Variants in CCDC18 observed in about 807,000 individuals in gnomAD.
The protein encoded by CCDC18 is coiled-coil domain-containing protein 18.
CCDC18 carries 157 observed loss-of-function variants against 196.0 expected under a neutral mutation model. The ratio of observed to expected loss-of-function variants is 0.80; its 90% confidence interval spans 0.70 to 0.91. The LOEUF (loss-of-function observed/expected upper bound fraction) is 0.91. CCDC18 is among the 40% of genes least tolerant of loss of function. The pLI, the probability that CCDC18 is intolerant of heterozygous loss-of-function variation, is 0.00. For missense variants in CCDC18, 1,465 were observed against 1,611.6 expected (o/e 0.91, Z 1.56); for synonymous variants, 482 against 529.2 (o/e 0.91, Z 1.22).
At chr1:93,181,173 A>AAAAAAAG (rs1432729523) in intron 1 of CCDC18, among the ~76,000 whole-genome samples, 1 of 150,368 alleles carries the variant, frequency 6.7e-6, no homozygotes, top group Non-Finnish European at 1.5e-5. Context: ...AAAAAAAAAA[A>AAAAAAAG]AAAGAGGAAA....
chr1:93,242,567 A>G (rs532024), intron 21 of CCDC18, among the ~76,000 whole-genome samples: 140,855 of 152,252 alleles, frequency 0.93, 65,277 homozygotes, highest in East Asian at 1. Context: ...AAAACAAATT[A>G]TGCCTTCCCA....
At chr1:93,182,581 CAAT>C (rs1458036469) in intron 1 of CCDC18, among the ~76,000 whole-genome samples, 2 of 152,070 alleles carry the variant, frequency 1.3e-5, no homozygotes, top group Non-Finnish European at 2.9e-5. Context: ...GTATTAATTA[CAAT>C]AATAAAATGT....
At chr1:93,249,959 A>T (rs569580484) in intron 23 of CCDC18, among the ~76,000 whole-genome samples, 132 of 152,144 alleles carry the variant, frequency 8.7e-4, no homozygotes, top group Middle Eastern at 3.4e-3. Flanking sequence ...AATTTTTTTT[A>T]AAATTTCTTC....
In CCDC18 at chr1:93,246,936, TAAAG is replaced by T. The variant is rs1661567231; in HGVS notation, c.3183_3186del (p.Lys1061AsnfsTer6). ...CTCTGGAGAAATCAGAATTGGAACT[TAAAG>T]AATGTAACAAACAGGTAAATTATTT... On this transcript the variant is annotated frameshift_variant, in exon 23 of 29. Coordinates refer to ENST00000690025, the MANE Select transcript of CCDC18 (RefSeq NM_001378204.1). LOFTEE classifies it high-confidence loss of function. 7.8e-7 allele frequency: 1 copy of T among 1,280,548 alleles called. No homozygotes were observed. The highest frequency in any genetic ancestry group is 1.3e-5 in the South Asian group (1 of 75,856). The allele number at this position is 1,280,548 out of a possible 1,614,324, so 79.3% of individuals were successfully genotyped here.
Position 93,246,122 on chromosome 1 carries a change from T to C in CCDC18, c.2999T>C (p.Ile1000Thr), listed in dbSNP as rs996388310. Residue 1000 changes from isoleucine (I) to threonine (T), a missense_variant, in exon 22 of 29, where the codon ATT (isoleucine) becomes ACT (threonine). Physicochemically the swap from Ile to Thr is moderately conservative, Grantham distance 89. Coordinates refer to ENST00000690025, the MANE Select transcript of CCDC18 (RefSeq NM_001378204.1). Reference protein sequence around the residue: ...TAELRECKMEIEDKKQELLEM... With the variant: ...TAELRECKMETEDKKQELLEM... ...AATTGTAGAGAATGCAAGATGGAGA[T>C]TGAAGACAAAAAGCAGGAGCTCCTT... 1.9e-6 allele frequency: 3 copies of C among 1,604,956 alleles called. No homozygotes were observed. The highest frequency in any genetic ancestry group is 2.6e-6 in the Non-Finnish European group (3 of 1,175,448).
Position 93,261,562 on chromosome 1 carries a change from A to G in CCDC18, c.3684+2677A>G, listed in dbSNP as rs189956385. Among the ~76,000 whole-genome samples, 140 of 152,212 alleles carry G rather than the reference A, an allele frequency of 9.2e-4. 1 individual carries two copies. Among genetic ancestry groups the G allele is most frequent in the Admixed American group, 8.5e-3 (130 of 15,292 alleles). ...AACCTTTGAAAGCACAGTGCTTTCAAAGAGATATGATTCTAAATGTATTTA... is the reference window on the plus strand; with the variant it reads ...AACCTTTGAAAGCACAGTGCTTTCAGAGAGATATGATTCTAAATGTATTTA... On this transcript the variant is annotated intron_variant, in intron 26 of 28. Coordinates refer to ENST00000690025, the MANE Select transcript of CCDC18 (RefSeq NM_001378204.1).
intron 12 of CCDC18, among the ~76,000 whole-genome samples, chr1:93,215,351 A>G (rs573761015): frequency 6.6e-6 from 1 of 152,196 alleles, no homozygotes; most frequent in South Asian, 2.1e-4. Context: ...CAAACCCCAA[A>G]CCACCTAGGA....
At chr1:93,209,615 C>T (rs981534172) in intron 9 of CCDC18, among the ~76,000 whole-genome samples, 1 of 152,192 alleles carries the variant, frequency 6.6e-6, no homozygotes, top group Non-Finnish European at 1.5e-5. Context: ...AGAATTTAAA[C>T]TAGAACATAA....
At chr1:93,232,351 G>C in intron 17 of CCDC18, 75 bp from the exon 18 acceptor site, 1 of 854,692 alleles carries the variant, frequency 1.2e-6, no homozygotes, top group Non-Finnish European at 1.8e-6. Context: ...TAATAAGGAG[G>C]ACAGCTTTGA....
chr1:93,254,467 T>A lies in CCDC18; in HGVS notation c.3199-4T>A, dbSNP rs754179830. 6.4e-7 allele frequency: 1 copy of A among 1,558,716 alleles called. No individual in the cohort carries two copies. Among genetic ancestry groups the A allele is most frequent in the Non-Finnish European group, 8.7e-7 (1 of 1,143,714 alleles). On this transcript the variant is annotated splice_region_variant and splice_polypyrimidine_tract_variant and intron_variant, in intron 23 of 28. Transcript: ENST00000690025. ...CTGATACTGCTTATCTGTTTAAAAT[T>A]CAGATAGAAAGTCTGAATGACAAAT...
chr1:93,205,977 A>T (rs1654644427), intron 8 of CCDC18, among the ~76,000 whole-genome samples: 1 of 152,160 alleles, frequency 6.6e-6, no homozygotes. Context: ...TTTTCAAATC[A>T]TAAAAAATTA....
chr1:93,274,444 A>G (rs1333263002), intron 28 of CCDC18, among the ~76,000 whole-genome samples: 1 of 152,112 alleles, frequency 6.6e-6, no homozygotes, highest in Non-Finnish European at 1.5e-5. Flanking sequence ...TTACTACATA[A>G]CAGATAGAAT....
intron 6 of CCDC18, 54 bp downstream of exon 6, chr1:93,193,798 T>A: frequency 7.6e-7 from 1 of 1,308,698 alleles, no homozygotes; most frequent in Non-Finnish European, 1.0e-6. Context: ...AAGGAAATAT[T>A]ACCTATTTAA....
At chr1:93,222,854 A>G (rs911985633) in intron 16 of CCDC18, among the ~76,000 whole-genome samples, 2 of 152,202 alleles carry the variant, frequency 1.3e-5, no homozygotes, top group South Asian at 2.1e-4. Flanking sequence ...CAAATATGCT[A>G]TGACGTTTAT....
chr1:93,219,343 TAAGTC>T (rs983757735), intron 14 of CCDC18, among the ~76,000 whole-genome samples: 16 of 152,178 alleles, frequency 1.1e-4, no homozygotes, highest in African/African-American at 3.9e-4. Flanking sequence ...CTTTCCTCAT[TAAGTC>T]AAGAACCTTC....
In CCDC18 at chr1:93,232,558, G is replaced by A. The variant is rs779319282; in HGVS notation, c.2425G>A (p.Glu809Lys). 77 of 1,610,600 alleles carry A rather than the reference G, an allele frequency of 4.8e-5. 1 individual carries two copies. The highest frequency in any genetic ancestry group is 2.0e-5 in the Non-Finnish European group (24 of 1,178,502). Residue 809 changes from glutamate to lysine, a missense_variant, in exon 18 of 29, where the codon GAG becomes AAG. Glu to Lys is a moderately conservative substitution (Grantham distance 56, BLOSUM62 1). Coordinates refer to ENST00000690025, the MANE Select transcript of CCDC18 (RefSeq NM_001378204.1). The part of the protein sequence containing the change: ...MLQQETIRNG[E>K]LEDTQTKLEK... ...ACAACAAGAGACAATTAGAAATGGA[G>A]AGCTAGAAGATACTCAAACTAAACT...
intron 19 of CCDC18, among the ~76,000 whole-genome samples, chr1:93,236,628 G>C (rs923400872): frequency 6.6e-6 from 1 of 152,078 alleles, no homozygotes; most frequent in East Asian, 1.9e-4. Flanking sequence ...ATCATACCTG[G>C]TTTATTTTAG....
At chr1:93,210,947 A>C in intron 10 of CCDC18, 21 bp downstream of exon 10, 1 of 1,612,374 alleles carries the variant, frequency 6.2e-7, no homozygotes, top group Non-Finnish European at 8.5e-7. Context: ...CAGATTCTGC[A>C]GTTATAGCAA....
intron 4 of CCDC18, among the ~76,000 whole-genome samples, chr1:93,187,246 GTTGT>G (rs1390011919): frequency 6.6e-6 from 1 of 151,952 alleles, no homozygotes; most frequent in Non-Finnish European, 1.5e-5. Flanking sequence ...AAGATGCAAA[GTTGT>G]TTGACTTGTA....
Sources: gnomAD v4.1 joint callset for allele counts (sites outside exome capture counted in the v4.1 genomes callset) on GRCh38, gnomAD v4.1.1 for gene constraint, MANE v1.5 for transcripts, NCBI Gene and HGNC (gene_info 2026-07-23, HGNC 2026-07-21) for gene names.